YAF2: variants seen among roughly 807,000 people sequenced by gnomAD.
YAF2 encodes the protein YY1-associated factor 2.
YAF2 carries 7 observed loss-of-function variants against 20.1 expected under a neutral mutation model. That is an observed-to-expected ratio of 0.35 (90% CI 0.20 to 0.65). The LOEUF is 0.65. YAF2 is among the 30% of genes least tolerant of loss of function. The pLI is 0.69. For missense variants in YAF2, 151 were observed against 219.2 expected, an observed-to-expected ratio of 0.69 and a Z score of 1.96; for synonymous variants, 74 against 76.0, an observed-to-expected ratio of 0.97 and a Z score of 0.14.
intron 2 of YAF2, among the ~76,000 whole-genome samples, chr12:42,176,126 A>G (rs2066184049): frequency 6.6e-6 from 1 of 151,702 alleles, no homozygotes; most frequent in Non-Finnish European, 1.5e-5. Flanking sequence ...TGCATCTGTT[A>G]TCCCACTTAC....
intron 2 of YAF2, among the ~76,000 whole-genome samples, chr12:42,228,485 G>T (rs1459118570): frequency 4.0e-5 from 2 of 49,520 alleles, no homozygotes; most frequent in East Asian, 8.4e-4. Context: ...GGGGGGGGGG[G>T]GTCAGCCCCC....
At chr12:42,216,509 C>A (rs1201040549) in intron 2 of YAF2, among the ~76,000 whole-genome samples, 2 of 151,532 alleles carry the variant, frequency 1.3e-5, no homozygotes, top group Non-Finnish European at 2.9e-5. Context: ...CCATTTCTTT[C>A]TTCTTCTTTG....
At chr12:42,235,959 G>A (rs1297610362) in intron 2 of YAF2, 2 of 1,536,116 alleles carry the variant, frequency 1.3e-6, no homozygotes. Context: ...AAGACTGGCT[G>A]TGGAGTAGGA....
chr12:42,196,080 G>T lies in YAF2; in HGVS notation c.153-34315C>A, dbSNP rs146173833. On this transcript the variant is annotated intron_variant, in intron 2 of 3. Transcript: ENST00000534854. Reference sequence around the variant, plus strand: ...CTACTAAAGACACAAAAATTAGCAGGGTGTGGTGGCACATGCCTGTAATCC... The same window carrying T: ...CTACTAAAGACACAAAAATTAGCAGTGTGTGGTGGCACATGCCTGTAATCC... 8.6e-3 allele frequency among the ~76,000 whole-genome samples: 1,304 copies of T among 151,992 alleles called. 11 individuals are homozygous for T. The highest frequency in any genetic ancestry group is 0.015 in the Non-Finnish European group (1,002 of 67,964).
At chr12:42,232,920 C>T in intron 2 of YAF2, 1 of 985,402 alleles carries the variant, frequency 1.0e-6, no homozygotes, top group South Asian at 4.7e-5. Flanking sequence ...TCAGCCTACA[C>T]ATAAAGGAAA....
intron 2 of YAF2, among the ~76,000 whole-genome samples, chr12:42,195,961 C>T (rs953782177): frequency 1.3e-5 from 2 of 151,826 alleles, no homozygotes; most frequent in African/African-American, 2.4e-5. Context: ...GTGGCTCATA[C>T]CTGTAATCCC....
intron 2 of YAF2, among the ~76,000 whole-genome samples, chr12:42,205,371 TTCTTC>T (rs200496908): frequency 0.011 from 1,660 of 151,578 alleles, 23 homozygotes; most frequent in African/African-American, 0.036. Context: ...TTGCTGCTGC[TTCTTC>T]TCTTTTTTTT....
In YAF2 at chr12:42,189,670, T is replaced by C. The variant is rs184381383; in HGVS notation, c.153-27905A>G. Among the ~76,000 whole-genome samples, 96 of 152,318 alleles carry C rather than the reference T, an allele frequency of 6.3e-4. 2 individuals carry two copies. The highest frequency in any genetic ancestry group is 2.0e-3 in the African/African-American group (84 of 41,568). ...ATACATACATTATAGATAAAACATA[T>C]AGTATATGCCTTTTTTGCAGCAAAT... On this transcript the variant is annotated intron_variant, in intron 2 of 3. Coordinates refer to ENST00000534854, the MANE Select transcript of YAF2 (RefSeq NM_005748.6).
At chr12:42,235,205 C>G (rs2068109306) in intron 2 of YAF2, 1 of 992,400 alleles carries the variant, frequency 1.0e-6, no homozygotes, top group Non-Finnish European at 1.2e-6. Context: ...AAACTGCATC[C>G]TTCTGCTCTG....
chr12:42,233,578 C>T, intron 2 of YAF2: 1 of 771,706 alleles, frequency 1.3e-6, no homozygotes, highest in South Asian at 5.9e-5. Context: ...GTGGTATGAT[C>T]ACAGCTCACT....
intron 2 of YAF2, chr12:42,210,445 T>A (rs1386054022): frequency 6.5e-7 from 1 of 1,534,632 alleles, no homozygotes; most frequent in African/African-American, 1.4e-5. Context: ...CTGATGGGCA[T>A]CCACTGGAAC....
At chr12:42,188,402 T>TA (rs1565616621) in intron 2 of YAF2, among the ~76,000 whole-genome samples, 1 of 149,232 alleles carries the variant, frequency 6.7e-6, no homozygotes, top group Non-Finnish European at 1.5e-5. Flanking sequence ...TTTTTTTTTT[T>TA]AGAGACAGAG....
Position 42,160,551 on chromosome 12 carries a change from T to C in YAF2, c.*38A>G. 3 of 1,512,530 alleles carry C rather than the reference T, an allele frequency of 2.0e-6. No homozygotes were observed. The highest frequency in any genetic ancestry group is 1.9e-4 in the Middle Eastern group (1 of 5,398). The allele number at this position is 1,512,530 out of a possible 1,614,324, so 93.7% of individuals were successfully genotyped here. ...TGGCATAATCTGTGTATTTGCATGG[T>C]AGGACAGAAGTGACTAAGAAATTGG... On this transcript the variant is annotated 3_prime_UTR_variant, in exon 4 of 4. Transcript: ENST00000534854.
At chr12:42,236,018 T>C (rs1231819840) in intron 2 of YAF2, 5 of 1,534,506 alleles carry the variant, frequency 3.3e-6, no homozygotes, top group Non-Finnish European at 4.4e-6. Context: ...ACATATAGGC[T>C]CTTCTAGTTT....
At chr12:42,178,387 T>G (rs180936260) in intron 2 of YAF2, among the ~76,000 whole-genome samples, 5 of 152,164 alleles carry the variant, frequency 3.3e-5, no homozygotes, top group Non-Finnish European at 7.3e-5. Flanking sequence ...CAATGGCCTA[T>G]AAAACAAGAT....
intron 2 of YAF2, among the ~76,000 whole-genome samples, chr12:42,189,467 T>C (rs712121): frequency 0.018 from 2,755 of 152,264 alleles, 83 homozygotes; most frequent in African/African-American, 0.062. Flanking sequence ...TCCACAACGA[T>C]TACAATGCAA....
rs1337583697 is a variant in YAF2 at position 42,160,382 on chromosome 12, C to A, written c.*207G>T. 3.7e-5 allele frequency: 20 copies of A among 539,176 alleles called. No individual in the cohort carries two copies. The highest frequency in any genetic ancestry group is 1.4e-4 in the Admixed American group (4 of 27,958). The allele number at this position is 539,176 out of a possible 1,614,324, so 33.4% of individuals were successfully genotyped here. A position where few individuals can be genotyped will look rare whatever the true frequency, so the allele number is the denominator to read the frequency against. ...ACCACATTTTCATGGCACTTAACTG[C>A]AGAGACCAAAATGTTAAGTCTGGAA... On this transcript the variant is annotated 3_prime_UTR_variant, in exon 4 of 4. Coordinates refer to ENST00000534854, the MANE Select transcript of YAF2 (RefSeq NM_005748.6).
At chr12:42,182,374 G>GA (rs528209218) in intron 2 of YAF2, among the ~76,000 whole-genome samples, 10 of 150,586 alleles carry the variant, frequency 6.6e-5, no homozygotes, top group Admixed American at 2.0e-4. Context: ...ACACAAATGT[G>GA]AAAAAAAAAT....
At chr12:42,237,498 G>A (rs2068207695) in intron 2 of YAF2, 101 bp downstream of exon 2, 1 of 1,358,002 alleles carries the variant, frequency 7.4e-7, no homozygotes, top group Admixed American at 3.6e-5. Context: ...GCCTCCTCCC[G>A]CCGGGTCCGC....
Sources: gnomAD v4.1 joint callset for allele counts (sites outside exome capture counted in the v4.1 genomes callset) on GRCh38, gnomAD v4.1.1 for gene constraint, MANE v1.5 for transcripts, NCBI Gene and HGNC (gene_info 2026-07-23, HGNC 2026-07-21) for gene names.